The following RCAN1 variants were observed in gnomAD, a reference collection of about 807,000 sequenced individuals.
RCAN1 encodes regulator of calcineurin 1.
A neutral mutation model predicts 22.9 loss-of-function variants in RCAN1; 11 were observed. That is an observed-to-expected ratio of 0.48 (90% CI 0.30 to 0.79). The LOEUF (loss-of-function observed/expected upper bound fraction) is 0.79, where lower values mean the gene tolerates loss of function less well. Ranked by LOEUF, RCAN1 falls within the 30% of genes least tolerant of loss-of-function variation. The pLI, the probability that RCAN1 is intolerant of heterozygous loss-of-function variation, is 0.06. For missense variants in RCAN1, 291 were observed against 337.8 expected (o/e 0.86, Z 1.09); for synonymous variants, 136 against 142.3 (o/e 0.96, Z 0.32).
chr21:34,567,485 G>T (rs1987067254), intron 1 of RCAN1, among the ~76,000 whole-genome samples: 1 of 151,456 alleles, frequency 6.6e-6, no homozygotes, highest in South Asian at 2.1e-4. Flanking sequence ...AACCCAGGAG[G>T]CGGAGGTTGC....
Position 34,614,934 on chromosome 21 carries a change from G to C in RCAN1, c.78C>G (p.Pro26=), listed in dbSNP as rs963897537. The change falls in exon 1 of 4, where the codon CCC becomes CCG. Residue 26 remains proline, a synonymous_variant. Coordinates refer to ENST00000313806, the MANE Select transcript of RCAN1 (RefSeq NM_004414.7). This position sits in a 1 kb window ranked among gnomAD's most constrained non-coding sequence, Gnocchi z 6.0. ...AAEAAEARAR[P]GVTLRPFAPL... ...GCGCGAAGGGCCGCAGCGTCACCCC[G>C]GGCCGCGCTCGCGCCTCGGCCGCCT... The C allele has an allele frequency of 1.8e-5, 23 of 1,300,584 alleles. No individual in the cohort carries two copies. Among genetic ancestry groups the C allele is most frequent in the South Asian group, 3.5e-5 (2 of 57,932 alleles). 80.6% of individuals were successfully genotyped at this position (1,300,584 alleles called of 1,614,324 possible). A position where few individuals can be genotyped will look rare whatever the true frequency, so the allele number is the denominator to read the frequency against.
chr21:34,581,298 G>A (rs773488285), intron 1 of RCAN1, among the ~76,000 whole-genome samples: 6 of 152,150 alleles, frequency 3.9e-5, no homozygotes, highest in Non-Finnish European at 7.3e-5. Context: ...GACGCTGTTT[G>A]TAGGGTCCAA....
Position 34,521,620 on chromosome 21 carries a change from A to G in RCAN1, c.465T>C (p.Asn155=). ...HIGSSHLAPP[N]PDKQFLISPP... ...GGGAGATCAGAAACTGCTTGTCTGG[A>G]TTTGGCGGAGCCAGGTGTGAGCTTC... Residue 155 remains asparagine, a synonymous_variant, in exon 3 of 4, where the codon AAT becomes AAC. Coordinates refer to ENST00000313806, the MANE Select transcript of RCAN1 (RefSeq NM_004414.7). 2.5e-6 allele frequency: 4 copies of G among 1,613,896 alleles called. No homozygotes were observed. Among genetic ancestry groups the G allele is most frequent in the Non-Finnish European group, 3.4e-6 (4 of 1,179,896 alleles).
chr21:34,575,875 G>A (rs1415242461), intron 1 of RCAN1, among the ~76,000 whole-genome samples: 1 of 152,170 alleles, frequency 6.6e-6, no homozygotes, highest in East Asian at 1.9e-4. Flanking sequence ...CCTCAGGACA[G>A]CCCTGAGGTA....
chr21:34,550,030 A>G (rs575731838), intron 1 of RCAN1, among the ~76,000 whole-genome samples: 1 of 152,170 alleles, frequency 6.6e-6, no homozygotes, highest in Non-Finnish European at 1.5e-5. Flanking sequence ...GAATGGAAGC[A>G]CTGCCAAGAC....
At position 34,614,973 on chromosome 21, in the gene RCAN1, C is replaced by T; in HGVS notation, c.39G>A (p.Ala13=). The change falls in exon 1 of 4, where the codon GCG becomes GCA. Residue 13 remains alanine, a synonymous_variant. Coordinates refer to ENST00000313806, the MANE Select transcript of RCAN1 (RefSeq NM_004414.7). The surrounding 1 kb of genome is among the most constrained non-coding windows in gnomAD (Gnocchi z 6.0). The part of the protein sequence containing the change: ...DGVAGPQLGA[A]AEAAEAAEAR... ...CCTCGGCCGCCTCCGCCGCCTCCGC[C>T]GCGGCCCCGAGCTGGGGACCGGCCA... 8.8e-7 allele frequency: 1 copy of T among 1,135,002 alleles called. No individual in the cohort carries two copies. The highest frequency in any genetic ancestry group is 4.1e-5 in the South Asian group (1 of 24,214). The allele number at this position is 1,135,002 out of a possible 1,614,324, so 70.3% of individuals were successfully genotyped here.
chr21:34,596,296 G>C (rs1246727489), intron 1 of RCAN1, among the ~76,000 whole-genome samples: 1 of 152,192 alleles, frequency 6.6e-6, no homozygotes, highest in Non-Finnish European at 1.5e-5. Context: ...AAAAAGCCGA[G>C]AGTCTCTGTA....
chr21:34,558,516 G>A (rs1986669922), intron 1 of RCAN1, among the ~76,000 whole-genome samples: 1 of 152,182 alleles, frequency 6.6e-6, no homozygotes. Flanking sequence ...AAGAAGGCAG[G>A]GTTGGACTGT....
chr21:34,519,422 CAG>C (rs1312047826), intron 3 of RCAN1, among the ~76,000 whole-genome samples: 63 of 103,334 alleles, frequency 6.1e-4, no homozygotes, highest in African/African-American at 2.3e-3. Flanking sequence ...TTTTTTGAGA[CAG>C]AGTCTTGCCT....
At chr21:34,582,394 C>A (rs897034903) in intron 1 of RCAN1, among the ~76,000 whole-genome samples, 3 of 151,958 alleles carry the variant, frequency 2.0e-5, no homozygotes, top group Non-Finnish European at 4.4e-5. Flanking sequence ...ATGGTGCGCT[C>A]GCTTAGCTAG....
chr21:34,533,208 C>T lies in RCAN1; in HGVS notation c.253-9498G>A, dbSNP rs141297407. On this transcript the variant is annotated intron_variant, in intron 1 of 3. Coordinates refer to ENST00000313806, the MANE Select transcript of RCAN1 (RefSeq NM_004414.7). ...ATCTCCTGACCTCATGATCTGCCTG[C>T]GTTGGCCTCCCAAAGTGCTGGGATT... 2.9e-3 allele frequency among the ~76,000 whole-genome samples: 434 copies of T among 152,270 alleles called. 1 individual carries two copies. The highest frequency in any genetic ancestry group is 1.0e-2 in the African/African-American group (415 of 41,548).
At chr21:34,527,933 T>C (rs1459141828) in intron 1 of RCAN1, among the ~76,000 whole-genome samples, 1 of 151,810 alleles carries the variant, frequency 6.6e-6, no homozygotes, top group Non-Finnish European at 1.5e-5. Flanking sequence ...GCAGGGAAGA[T>C]GCCTGGTTTG....
intron 1 of RCAN1, among the ~76,000 whole-genome samples, chr21:34,524,883 G>C (rs1984901583): frequency 6.6e-6 from 1 of 152,234 alleles, no homozygotes; most frequent in Non-Finnish European, 1.5e-5. Flanking sequence ...ACTCCTCAGA[G>C]AGGGAGTTTA....
In RCAN1 at chr21:34,516,624, C is replaced by G. The variant is rs77066172; in HGVS notation, c.*1460G>C. ...CAATGGTCTCTCCCAAACCGGCTCC[C>G]TCTTACCAAGTACCGTAAACAGGGT... On this transcript the variant is annotated 3_prime_UTR_variant, in exon 4 of 4. Coordinates refer to ENST00000313806, the MANE Select transcript of RCAN1 (RefSeq NM_004414.7). The G allele has an allele frequency of 1.1e-3, 167 of 152,360 alleles. No homozygotes were observed. The highest frequency in any genetic ancestry group is 3.9e-3 in the African/African-American group (162 of 41,588). The allele number at this position is 152,360 out of a possible 1,614,324, so 9.4% of individuals were successfully genotyped here.
chr21:34,570,532 G>A (rs923490581), intron 1 of RCAN1, among the ~76,000 whole-genome samples: 3 of 152,150 alleles, frequency 2.0e-5, no homozygotes, highest in African/African-American at 4.8e-5. Context: ...TGAAACACGT[G>A]GAGCATGTTT....
chr21:34,560,570 T>A (rs2123663237), intron 1 of RCAN1, among the ~76,000 whole-genome samples: 1 of 152,312 alleles, frequency 6.6e-6, no homozygotes, highest in Non-Finnish European at 1.5e-5. Context: ...AGGATTGTTG[T>A]AAAGTTCTAA....
chr21:34,557,557 G>A (rs1986626904), intron 1 of RCAN1, among the ~76,000 whole-genome samples: 1 of 152,218 alleles, frequency 6.6e-6, no homozygotes, highest in Admixed American at 6.5e-5. Flanking sequence ...GTGTGCCTTT[G>A]CCAAGCCTGG....
In RCAN1 at chr21:34,517,245, A is replaced by C. The variant is rs1299181239; in HGVS notation, c.*839T>G. On this transcript the variant is annotated 3_prime_UTR_variant, in exon 4 of 4. Coordinates refer to ENST00000313806, the MANE Select transcript of RCAN1 (RefSeq NM_004414.7). Reference sequence around the variant, plus strand: ...CAACAGAAACTGAGGTCCGATCCCAAACACCTAAACTAAAATTTCTCACCC... The same window carrying C: ...CAACAGAAACTGAGGTCCGATCCCACACACCTAAACTAAAATTTCTCACCC... 1.3e-5 allele frequency: 2 copies of C among 152,240 alleles called. No homozygotes were observed. The highest frequency in any genetic ancestry group is 2.9e-5 in the Non-Finnish European group (2 of 68,054). 9.4% of individuals were successfully genotyped at this position (152,240 alleles called of 1,614,324 possible). A position where few individuals can be genotyped will look rare whatever the true frequency, so the allele number is the denominator to read the frequency against.
chr21:34,547,937 A>G (rs1432038101), intron 1 of RCAN1, among the ~76,000 whole-genome samples: 1 of 152,214 alleles, frequency 6.6e-6, no homozygotes, highest in East Asian at 1.9e-4. Context: ...TTTGGAGGTG[A>G]GGCCTTTAGG....
Sources: allele counts gnomAD v4.1 joint callset (sites outside exome capture counted in the v4.1 genomes callset), GRCh38; gene constraint gnomAD v4.1.1; non-coding constraint Gnocchi (gnomAD v3.1); transcripts MANE v1.5; gene names NCBI Gene and HGNC (gene_info 2026-07-23, HGNC 2026-07-21).